The following PES1 variants were observed in gnomAD, a reference collection of about 807,000 sequenced individuals.
PES1 encodes pescadillo homolog.
In PES1, 31 loss-of-function variants were observed where a neutral mutation model predicts 77.1. The observed-to-expected ratio is 0.40, with a 90% CI of 0.30 to 0.54. The LOEUF (loss-of-function observed/expected upper bound fraction) is 0.54. Among genes scored for constraint, PES1 ranks in the 20% least tolerant of loss-of-function variants. The pLI is 0.45. For synonymous variants in PES1, 282 were observed against 303.0 expected (o/e 0.93, Z 0.72); for missense variants, 658 against 771.7 (o/e 0.85, Z 1.75).
At chr22:30,605,122 T>G (rs5753229) in intron 2 of PES1, among the ~76,000 whole-genome samples, 93,553 of 151,506 alleles carry the variant, frequency 0.62, 30,407 homozygotes, top group African/African-American at 0.82. Context: ...AGCCTCTAGA[T>G]TAGCTGAGAC....
Position 30,579,207 on chromosome 22 carries a change from G to C in PES1, c.1451C>G (p.Ala484Gly). ...EGENEEEEED[A>G]EAGSEKEEEA... ...TTCCTCCTTTTCTGAACCAGCCTCT[G>C]CATCTTCCTCCTCCTCCTCATTTTC... Residue 484 changes from alanine (A) to glycine (G), a missense_variant, in exon 13 of 15, where the codon GCA becomes GGA. Physicochemically the swap from Ala to Gly is moderately conservative, Grantham distance 60 (BLOSUM62 0). Coordinates refer to ENST00000354694, the MANE Select transcript of PES1 (RefSeq NM_014303.4). 6.2e-7 allele frequency: 1 copy of C among 1,606,886 alleles called. No individual in the cohort carries two copies. The highest frequency in any genetic ancestry group is 8.5e-7 in the Non-Finnish European group (1 of 1,178,970).
chr22:30,595,250 C>T (rs892356152), upstream of PES1, among the ~76,000 whole-genome samples: 5 of 151,930 alleles, frequency 3.3e-5, no homozygotes, highest in African/African-American at 7.3e-5. Context: ...TTAAAGAACT[C>T]GGAGACTGGC....
chr22:30,598,603 ATT>A (rs1328057288), intron 2 of PES1, among the ~76,000 whole-genome samples: 3 of 151,850 alleles, frequency 2.0e-5, no homozygotes, highest in Non-Finnish European at 4.4e-5. Context: ...TCATTTTTGT[ATT>A]TTTAGTAGAA....
rs369634686 is a variant in PES1, at chr22:30,579,236, C to G, written c.1422G>C (p.Glu474Asp). Reference protein sequence around the residue: ...DDNNEGDGDEEGENEEEEEDA... With the variant: ...DDNNEGDGDEDGENEEEEEDA... Reference sequence around the variant, plus strand: ...CTTCCTCCTCCTCCTCATTTTCTCCCTCTTCATCACCATCACCTTCGTTGT... The same window carrying G: ...CTTCCTCCTCCTCCTCATTTTCTCCGTCTTCATCACCATCACCTTCGTTGT... The change falls in exon 13 of 15, where the codon GAG becomes GAC. Residue 474 changes from glutamate to aspartate, a missense_variant. Coordinates refer to ENST00000354694, the MANE Select transcript of PES1 (RefSeq NM_014303.4). 6.2e-7 allele frequency: 1 copy of G among 1,604,944 alleles called. No individual in the cohort carries two copies. Among genetic ancestry groups the G allele is most frequent in the South Asian group, 1.1e-5 (1 of 91,076 alleles).
intron 1 of PES1, among the ~76,000 whole-genome samples, chr22:30,589,630 G>C (rs191579138): frequency 1.2e-4 from 19 of 152,224 alleles, no homozygotes; most frequent in Non-Finnish European, 2.5e-4. Context: ...CTGTCCGAAC[G>C]TCCATTTCAC....
intron 2 of PES1, among the ~76,000 whole-genome samples, chr22:30,597,876 A>C (rs1024530356): frequency 8.0e-6 from 1 of 125,078 alleles, no homozygotes; most frequent in African/African-American, 3.1e-5. Flanking sequence ...ACGCAGTTGA[A>C]GTTTTGTTTT....
chr22:30,593,888 T>C (rs2087220021), upstream of PES1, among the ~76,000 whole-genome samples: 1 of 152,216 alleles, frequency 6.6e-6, no homozygotes, highest in African/African-American at 2.4e-5. Context: ...CAGTCTGGTT[T>C]CAGAGTCCTC....
upstream of PES1, among the ~76,000 whole-genome samples, chr22:30,594,952 G>A (rs180783384): frequency 1.2e-3 from 186 of 152,140 alleles, 1 homozygote; most frequent in Non-Finnish European, 2.2e-3. Flanking sequence ...TGTTCACGCC[G>A]CTGCACTCTG....
In PES1 at chr22:30,591,872, G is replaced by C. The variant is rs1395555900; in HGVS notation, c.-39C>G. On this transcript the variant is annotated 5_prime_UTR_variant, in exon 1 of 15. Coordinates refer to ENST00000354694, the MANE Select transcript of PES1 (RefSeq NM_014303.4). ...GGAGCCGACTAGGGCCGCGCGTACAGGGAGCTCCACTTCCTCCCGCACGTG... is the reference window on the plus strand; with the variant it reads ...GGAGCCGACTAGGGCCGCGCGTACACGGAGCTCCACTTCCTCCCGCACGTG... The C allele has an allele frequency of 7.8e-6, 12 of 1,543,004 alleles. No individual in the cohort carries two copies. Among genetic ancestry groups the C allele is most frequent in the Non-Finnish European group, 9.6e-6 (11 of 1,145,248 alleles).
chr22:30,578,171 A>G (rs2086930220), intron 14 of PES1, among the ~76,000 whole-genome samples: 1 of 152,166 alleles, frequency 6.6e-6, no homozygotes, highest in South Asian at 2.1e-4. Flanking sequence ...AATCCCAGCT[A>G]CTCGGGAGGC....
Position 30,576,947 on chromosome 22 carries a change from A to C in PES1, c.*99T>G, listed in dbSNP as rs1243245326. The C allele has an allele frequency of 1.4e-5, 14 of 973,840 alleles. No individual in the cohort carries two copies. Among genetic ancestry groups the C allele is most frequent in the Admixed American group, 1.2e-4 (7 of 57,248 alleles). 60.3% of individuals were successfully genotyped at this position (973,840 alleles called of 1,614,324 possible). A position where few individuals can be genotyped will look rare whatever the true frequency, so the allele number is the denominator to read the frequency against. On this transcript the variant is annotated 3_prime_UTR_variant, in exon 15 of 15. Coordinates refer to ENST00000354694, the MANE Select transcript of PES1 (RefSeq NM_014303.4). ...AGGGCTGGCTGGAGAAAGGAGGAGGAGAAGTGACTCTGGTCCATCACACTT... is the reference window on the plus strand; with the variant it reads ...AGGGCTGGCTGGAGAAAGGAGGAGGCGAAGTGACTCTGGTCCATCACACTT...
chr22:30,594,876 C>T (rs1167748369), upstream of PES1, among the ~76,000 whole-genome samples: 4 of 152,200 alleles, frequency 2.6e-5, no homozygotes, highest in East Asian at 7.7e-4. Context: ...CTCGTGGTCC[C>T]AGCTACTCAG....
chr22:30,603,413 G>T (rs2087388784), intron 2 of PES1, among the ~76,000 whole-genome samples: 2 of 151,648 alleles, frequency 1.3e-5, no homozygotes, highest in Admixed American at 1.3e-4. Flanking sequence ...ATGGGGTCTT[G>T]CTCTGTCACC....
chr22:30,603,506 C>T (rs2087390377), intron 2 of PES1, among the ~76,000 whole-genome samples: 1 of 152,178 alleles, frequency 6.6e-6, no homozygotes, highest in South Asian at 2.1e-4. Context: ...CTCAACCTCC[C>T]AAGTAGCTGG....
chr22:30,585,193 C>G (rs560127302), intron 4 of PES1: 1 of 457,276 alleles, frequency 2.2e-6, no homozygotes, highest in Admixed American at 2.4e-5. Context: ...GGCCACCGGT[C>G]GCCAGCGTAG....
At position 30,581,309 on chromosome 22, in the gene PES1, G is replaced by A. The variant is rs371667174; in HGVS notation, c.822+25C>T. On this transcript the variant is annotated intron_variant, in intron 8 of 14. Transcript: ENST00000354694. ...AGAGACCACTCCCTTGGGAGATGCCGGATGATGCTCCTGGAGCCTCTCACC... is the reference window on the plus strand; with the variant it reads ...AGAGACCACTCCCTTGGGAGATGCCAGATGATGCTCCTGGAGCCTCTCACC... 1,841 of 1,609,270 alleles carry A rather than the reference G, an allele frequency of 1.1e-3. 4 individuals carry two copies. The highest frequency in any genetic ancestry group is 1.4e-3 in the Non-Finnish European group (1,628 of 1,176,406).
At chr22:30,590,891 G>C (rs1001139786) in intron 1 of PES1, among the ~76,000 whole-genome samples, 1 of 152,154 alleles carries the variant, frequency 6.6e-6, no homozygotes, top group Non-Finnish European at 1.5e-5. Context: ...CTCAAGGGCA[G>C]GTTTTCCATC....
Position 30,591,810 on chromosome 22 carries a change from C to A in PES1, c.24G>T (p.Lys8Asn). Residue 8 changes from lysine (K) to asparagine (N), a missense_variant and splice_region_variant, in exon 1 of 15, where the codon AAG becomes AAT. Coordinates refer to ENST00000354694, the MANE Select transcript of PES1 (RefSeq NM_014303.4). ...AATCCCCACCGTCTTTCCCAATCAC[C>A]TTCTTCTTCTCAAGGCCTCCCATCG... is the stretch of plus-strand genomic sequence containing the variant. MGGLEKK[K>N]YERGSATNYI... 1 of 1,564,284 alleles carries A rather than the reference C, an allele frequency of 6.4e-7. No homozygotes were observed. Among genetic ancestry groups the A allele is most frequent in the Non-Finnish European group, 8.7e-7 (1 of 1,155,140 alleles).
chr22:30,579,430 C>A, intron 12 of PES1, 127 bp from the exon 13 acceptor site: 1 of 1,473,440 alleles, frequency 6.8e-7, no homozygotes, highest in Non-Finnish European at 9.1e-7. Context: ...AGGGATGTCC[C>A]AATTGTGGCC....
Sources: allele counts gnomAD v4.1 joint callset (sites outside exome capture counted in the v4.1 genomes callset), GRCh38; gene constraint gnomAD v4.1.1; transcripts MANE v1.5; gene names NCBI Gene and HGNC (gene_info 2026-07-23, HGNC 2026-07-21).